Variants in PCSK7 observed in about 807,000 individuals in gnomAD.
The protein encoded by PCSK7 is lymphoma proprotein convertase.
PCSK7 carries 38 observed loss-of-function variants against 73.3 expected under a neutral mutation model. The ratio of observed to expected loss-of-function variants is 0.52; its 90% confidence interval spans 0.40 to 0.68. The LOEUF is 0.68. Among genes scored for constraint, PCSK7 ranks in the 30% least tolerant of loss-of-function variants. The probability of loss-of-function intolerance (pLI) is 0.00; values close to 1 mark genes in which losing one functional copy is unlikely to be tolerated. For synonymous variants in PCSK7, 296 were observed against 383.8 expected, an observed-to-expected ratio of 0.77 and a Z score of 2.68; for missense variants, 692 against 991.5, an observed-to-expected ratio of 0.70 and a Z score of 4.06.
At chr11:117,212,260 T>G (rs889158143) in intron 12 of PCSK7, 2 of 152,202 alleles carry the variant, frequency 1.3e-5, no homozygotes, top group African/African-American at 4.8e-5. Flanking sequence ...GTTATGGATA[T>G]TTCATGGCTT....
chr11:117,225,055 C>CTT (rs571538440), intron 6 of PCSK7: 9,049 of 134,264 alleles, frequency 0.067, 1,217 homozygotes, highest in African/African-American at 0.25. Flanking sequence ...ACATGTAGAC[C>CTT]TTTTTTTTTT....
rs1202340011 is a variant in PCSK7 at position 117,215,357 on chromosome 11, G to A, written c.1534+3109C>T. 3 of 79,176 alleles carry A rather than the reference G, an allele frequency of 3.8e-5. No individual in the cohort carries two copies. In the South Asian group the frequency reaches 2.0e-3, roughly 53 times the overall value. 4.9% of individuals were successfully genotyped at this position (79,176 alleles called of 1,614,324 possible). A position where few individuals can be genotyped will look rare whatever the true frequency, so the allele number is the denominator to read the frequency against. On this transcript the variant is annotated intron_variant, in intron 12 of 16. Transcript: ENST00000320934. ...ACTACAGGCACGTGCCACCATGCCT[G>A]GCTAATTTGTGTGTGTGTGTGTGTA...
chr11:117,223,404 G>A (rs952332231), intron 8 of PCSK7, 96 bp from the exon 9 acceptor site: 2 of 766,724 alleles, frequency 2.6e-6, no homozygotes, highest in Non-Finnish European at 4.6e-6. Flanking sequence ...CCATCCTGGG[G>A]GGCTGTCCTG....
At chr11:117,227,826 C>A (rs1411645344) in intron 4 of PCSK7, among the ~76,000 whole-genome samples, 1 of 152,220 alleles carries the variant, frequency 6.6e-6, no homozygotes, top group Non-Finnish European at 1.5e-5. Flanking sequence ...AGTGCCACAG[C>A]TCCCAGCAAA....
In PCSK7 at chr11:117,225,959, A is replaced by C. The variant is rs756727692; in HGVS notation, c.832T>G (p.Tyr278Asp). 5.0e-6 allele frequency: 8 copies of C among 1,610,810 alleles called. No individual in the cohort carries two copies. Among genetic ancestry groups the C allele is most frequent in the Non-Finnish European group, 6.8e-6 (8 of 1,177,126 alleles). The change falls in exon 6 of 17, where the codon TAT becomes GAT. Residue 278 changes from tyrosine (Y) to aspartate (D), a missense_variant. Transcript: ENST00000320934. ...SMEAVAFNKH[Y>D]QINDIYSCSW... ...CAGCTGTAGATGTCATTGATCTGAT[A>C]GTGCTTGTTGAACGCCACTGCCTCC...
At position 117,204,980 on chromosome 11, in the gene PCSK7, G is replaced by A. The variant is rs2031284997; in HGVS notation, c.*1017C>T. 5.1e-6 allele frequency: 1 copy of A among 194,336 alleles called. No homozygotes were observed. Among genetic ancestry groups the A allele is most frequent in the Non-Finnish European group, 1.1e-5 (1 of 92,968 alleles). The allele number at this position is 194,336 out of a possible 1,614,324, so 12.0% of individuals were successfully genotyped here. On this transcript the variant is annotated 3_prime_UTR_variant, in exon 17 of 17. Coordinates refer to ENST00000320934, the MANE Select transcript of PCSK7 (RefSeq NM_004716.4). The stretch of plus-strand genomic sequence containing the variant: ...GAAACAGGCCATAGAACAGGAGAGT[G>A]AATCTTGGGGACCGAAGGGAAAAAG...
In PCSK7 at chr11:117,222,244, G is replaced by A. The variant is rs115739178; in HGVS notation, c.1155+964C>T. The A allele has an allele frequency of 8.5e-3, 1,294 of 152,352 alleles. 19 individuals are homozygous for A. The highest frequency in any genetic ancestry group is 0.029 in the African/African-American group (1,203 of 41,572). The allele number at this position is 152,352 out of a possible 1,614,324, so 9.4% of individuals were successfully genotyped here. ...TCTAGAGGCCTGCCTTAAACCTGCT[G>A]GGATGGCGCTAAGCCCAGCTGGGTG... On this transcript the variant is annotated intron_variant, in intron 9 of 16. Coordinates refer to ENST00000320934, the MANE Select transcript of PCSK7 (RefSeq NM_004716.4).
At chr11:117,227,507 A>G (rs979230813) in intron 4 of PCSK7, among the ~76,000 whole-genome samples, 185 bp from the exon 5 acceptor site, 1 of 152,172 alleles carries the variant, frequency 6.6e-6, no homozygotes, top group Non-Finnish European at 1.5e-5. Context: ...CAGTGCCACA[A>G]TCTCAGCTCA....
chr11:117,219,623 C>A lies in PCSK7; in HGVS notation c.1291G>T (p.Val431Phe). The change falls in exon 10 of 17, where the codon GTC becomes TTC. Residue 431 changes from valine (V) to phenylalanine (F), a missense_variant. Val to Phe is a conservative substitution (Grantham distance 50). This residue lies in a region of PCSK7 where 574 missense variants were observed against 689.8 expected (regional missense o/e 0.83). Transcript: ENST00000320934. The part of the protein sequence containing the change: ...QVRPCLTWRD[V>F]QHIIVFTATR... ...GCTGTGAAGACAATGATGTGCTGGA[C>A]GTCACGCCACGTGAGGCAGGGCCGC... is the stretch of plus-strand genomic sequence containing the variant. 1 of 1,612,670 alleles carries A rather than the reference C, an allele frequency of 6.2e-7. No homozygotes were observed.
At chr11:117,215,406 A>ATATATATAT (rs1555044281) in intron 12 of PCSK7, 1 of 54,594 alleles carries the variant, frequency 1.8e-5, no homozygotes, top group African/African-American at 1.8e-4. Context: ...ATATATATAT[A>ATATATATAT]CTTTTTTTTT....
At chr11:117,209,304 A>T in intron 12 of PCSK7, 1 of 407,784 alleles carries the variant, frequency 2.5e-6, no homozygotes, top group South Asian at 5.2e-5. Context: ...AGCAACTTCA[A>T]TCATTCATTC....
In PCSK7 at chr11:117,206,289, C is replaced by G; in HGVS notation, c.2066G>C (p.Ser689Thr). ...TTGATTGGAAGCCACATTCCTCTGG[C>G]TCAAATATACTTCCAGCATGTAGTA... Reference protein sequence around the residue: ...TVYYMLEVYLSQRNVASNQVC... With the variant: ...TVYYMLEVYLTQRNVASNQVC... The change falls in exon 17 of 17, where the codon AGC becomes ACC. Residue 689 changes from serine (S) to threonine (T), a missense_variant. By Grantham distance (58) the Ser-to-Thr change is moderately conservative. Coordinates refer to ENST00000320934, the MANE Select transcript of PCSK7 (RefSeq NM_004716.4). 1 of 1,612,118 alleles carries G rather than the reference C, an allele frequency of 6.2e-7. No homozygotes were observed. The highest frequency in any genetic ancestry group is 8.5e-7 in the Non-Finnish European group (1 of 1,179,768).
At chr11:117,228,434 C>T (rs1200290620) in intron 3 of PCSK7, 84 bp from the exon 4 acceptor site, 3 of 1,252,652 alleles carry the variant, frequency 2.4e-6, no homozygotes, top group Non-Finnish European at 3.5e-6. Context: ...CCCCTTTTCA[C>T]CCTTGGCCTC....
intron 2 of PCSK7, 134 bp downstream of exon 2, chr11:117,230,214 CT>C (rs1307752222): frequency 4.6e-6 from 1 of 215,262 alleles, no homozygotes; most frequent in Non-Finnish European, 9.2e-6. Flanking sequence ...AAACTACTGG[CT>C]GCATCGTGAC....
chr11:117,219,117 G>T lies in PCSK7; in HGVS notation c.1371C>A (p.Ser457Arg). 6.2e-7 allele frequency: 1 copy of T among 1,611,218 alleles called. No individual in the cohort carries two copies. Residue 457 changes from serine (S) to arginine (R), a missense_variant, in exon 11 of 17, where the codon AGC (serine) becomes AGA (arginine). This residue lies in a region of PCSK7 where 574 missense variants were observed against 689.8 expected (regional missense o/e 0.83). Transcript: ENST00000320934. The stretch of plus-strand genomic sequence containing the variant: ...GGCCGAAACCGTGCTGGTGGCTATG[G>T]CTGAAGCCTGCCTCGTTGGTGACCC... ...AEWVTNEAGF[S>R]HSHQHGFGLL... is the part of the protein sequence containing the mutation.
At chr11:117,230,322 T>A (rs1270140682) in intron 2 of PCSK7, 27 bp downstream of exon 2, 10 of 155,542 alleles carry the variant, frequency 6.4e-5, no homozygotes. Flanking sequence ...TCAAGGCTAA[T>A]TCCCCATAAC....
At chr11:117,209,107 C>T (rs1374282611) in intron 12 of PCSK7, 54 bp from the exon 13 acceptor site, 2 of 1,246,148 alleles carry the variant, frequency 1.6e-6, no homozygotes, top group Non-Finnish European at 2.3e-6. Context: ...CACGCCTTCA[C>T]TTCACCCCCA....
intron 12 of PCSK7, chr11:117,210,512 C>T (rs2031681144): frequency 6.6e-6 from 1 of 152,110 alleles, no homozygotes; most frequent in African/African-American, 2.4e-5. Context: ...GTGCACGCCA[C>T]CATGGCCACC....
intron 5 of PCSK7, chr11:117,226,501 A>G (rs1004624778): frequency 4.3e-5 from 7 of 162,216 alleles, no homozygotes; most frequent in African/African-American, 1.2e-4. Flanking sequence ...AAAAAAATAT[A>G]TATATAGAGA....
Sources: gnomAD v4.1 joint callset for allele counts (sites outside exome capture counted in the v4.1 genomes callset) on GRCh38, gnomAD v4.1.1 for gene constraint, gnomAD v4.1.1 regional missense constraint, MANE v1.5 for transcripts, NCBI Gene and HGNC (gene_info 2026-07-23, HGNC 2026-07-21) for gene names.